Variants in NR3C1 observed in about 807,000 individuals in gnomAD.
NR3C1 encodes glucocorticoid receptor.
NR3C1 carries 14 observed loss-of-function variants against 74.0 expected under a neutral mutation model. The ratio of observed to expected loss-of-function variants is 0.19; its 90% CI spans 0.12 to 0.30. The LOEUF is 0.30. Among genes scored for constraint, NR3C1 ranks in the 10% least tolerant of loss-of-function variants. The probability of loss-of-function intolerance (pLI) is 1.00; values close to 1 mark genes in which losing one functional copy is unlikely to be tolerated. For synonymous variants in NR3C1, 308 were observed against 332.5 expected (o/e 0.93, Z 0.80); for missense variants, 695 against 909.8 (o/e 0.76, Z 3.04).
At chr5:143,404,618 C>A, upstream of NR3C1, 2 of 629,254 alleles carry the variant, frequency 3.2e-6, no homozygotes, top group Non-Finnish European at 4.0e-6. Context: ...AATGTGCTCA[C>A]ACTCGAAGGA....
upstream of NR3C1, chr5:143,403,898 G>A (rs1046401221): frequency 1.0e-6 from 1 of 981,730 alleles, no homozygotes; most frequent in Non-Finnish European, 1.2e-6. Context: ...GTCCCCTGGC[G>A]TGGCCGCCCC....
chr5:143,402,956 C>A, intron 1 of NR3C1: 1 of 744,412 alleles, frequency 1.3e-6, no homozygotes, highest in African/African-American at 1.9e-5. Flanking sequence ...CAGGGCTCCG[C>A]TCGCCGTCCG....
intron 1 of NR3C1, among the ~76,000 whole-genome samples, chr5:143,422,364 G>A (rs186453490): frequency 1.7e-4 from 26 of 152,290 alleles, no homozygotes; most frequent in East Asian, 7.7e-4. Flanking sequence ...CCTAGGCTAC[G>A]GGTTCGTTGT....
At chr5:143,357,882 T>G (rs903152455) in intron 2 of NR3C1, among the ~76,000 whole-genome samples, 1 of 152,236 alleles carries the variant, frequency 6.6e-6, no homozygotes, top group Non-Finnish European at 1.5e-5. Flanking sequence ...CCTCACCTTC[T>G]CTTATATATT....
chr5:143,318,381 T>C (rs538629438), intron 2 of NR3C1, among the ~76,000 whole-genome samples: 6 of 152,298 alleles, frequency 3.9e-5, no homozygotes, highest in South Asian at 4.1e-4. Context: ...CATTGAAATA[T>C]GTCAGTCTAT....
At chr5:143,308,860 T>C (rs1184973113) in intron 4 of NR3C1, among the ~76,000 whole-genome samples, 1 of 152,208 alleles carries the variant, frequency 6.6e-6, no homozygotes, top group Non-Finnish European at 1.5e-5. Flanking sequence ...TGTTGGTGCA[T>C]ATTTGTTGAA....
intron 1 of NR3C1, 124 bp downstream of exon 1, chr5:143,403,086 CA>C: frequency 3.7e-6 from 3 of 821,204 alleles, no homozygotes; most frequent in Non-Finnish European, 4.4e-6. Context: ...GCCAGCCCCC[CA>C]CCCCCACTCC....
At chr5:143,385,374 G>C (rs1837009172) in intron 2 of NR3C1, among the ~76,000 whole-genome samples, 1 of 152,194 alleles carries the variant, frequency 6.6e-6, no homozygotes, top group Non-Finnish European at 1.5e-5. Flanking sequence ...CACTTGAATT[G>C]CTCCCCAGAA....
intron 4 of NR3C1, 66 bp downstream of exon 4, chr5:143,310,031 A>C: frequency 8.1e-7 from 1 of 1,227,044 alleles, no homozygotes; most frequent in Non-Finnish European, 1.2e-6. Flanking sequence ...GTGTATCTTC[A>C]AAAGTAAAAT....
chr5:143,338,344 CT>C (rs562531555), intron 2 of NR3C1, among the ~76,000 whole-genome samples: 111 of 144,394 alleles, frequency 7.7e-4, no homozygotes, highest in Admixed American at 1.0e-3. Flanking sequence ...ACTTCTTGTC[CT>C]TTTTTTTTTT....
intron 2 of NR3C1, among the ~76,000 whole-genome samples, chr5:143,364,378 A>G (rs1194424102): frequency 6.6e-6 from 1 of 152,244 alleles, no homozygotes; most frequent in African/African-American, 2.4e-5. Flanking sequence ...TCTCCAACAC[A>G]TGCTAAAAGG....
At chr5:143,329,429 TC>T (rs1825433422) in intron 2 of NR3C1, among the ~76,000 whole-genome samples, 1 of 152,182 alleles carries the variant, frequency 6.6e-6, no homozygotes, top group Non-Finnish European at 1.5e-5. Flanking sequence ...AGTAGGTATC[TC>T]TAATCCCATT....
At chr5:143,404,559 G>A (rs1216873067), upstream of NR3C1, 14 of 971,534 alleles carry the variant, frequency 1.4e-5, no homozygotes, top group Non-Finnish European at 1.7e-5. Context: ...CGGCGGCGGC[G>A]GCAGAAGGAG....
intron 2 of NR3C1, among the ~76,000 whole-genome samples, chr5:143,355,513 G>A (rs1036871300): frequency 6.6e-6 from 1 of 151,346 alleles, no homozygotes; most frequent in African/African-American, 2.4e-5. Flanking sequence ...ACATCTAATG[G>A]GGGAAAAACT....
intron 4 of NR3C1, among the ~76,000 whole-genome samples, chr5:143,309,143 G>A (rs565507637): frequency 2.1e-5 from 3 of 146,074 alleles, no homozygotes; most frequent in African/African-American, 5.1e-5. Flanking sequence ...GTGTGATCTC[G>A]GCTCACTGCA....
At chr5:143,295,027 G>A (rs2151530717) in intron 7 of NR3C1, 1 of 985,364 alleles carries the variant, frequency 1.0e-6, no homozygotes, top group South Asian at 4.7e-5. Context: ...TAGTAATTAA[G>A]CACACCTTTT....
Position 143,339,729 on chromosome 5 carries a change from G to C in NR3C1, c.1185-25561C>G, listed in dbSNP as rs1040241939. Among the ~76,000 whole-genome samples the C allele has an allele frequency of 5.9e-5, 9 of 152,232 alleles. No homozygotes were observed. In the East Asian group the frequency reaches 1.7e-3, roughly 29 times the overall value. ...CTTCCTTCTAGGCTGAGGGTTGGTG[G>C]GGCTCCGGACTAAAGGATTCCAGAC... is the stretch of plus-strand genomic sequence containing the variant. On this transcript the variant is annotated intron_variant, in intron 2 of 8. Transcript: ENST00000394464.
Position 143,395,969 on chromosome 5 carries a change from A to G in NR3C1, c.1184+3687T>C, listed in dbSNP as rs61751243. Among the ~76,000 whole-genome samples the G allele has an allele frequency of 4.4e-3, 666 of 152,048 alleles. 2 individuals carry two copies. The highest frequency in any genetic ancestry group is 0.015 in the African/African-American group (633 of 41,564). ...CATTTAACCTACATTTATGCAAGGT[A>G]TATTTCAGAATAAGTCTTTCATAAA... On this transcript the variant is annotated intron_variant, in intron 2 of 8. Coordinates refer to ENST00000394464, the MANE Select transcript of NR3C1 (RefSeq NM_000176.3).
chr5:143,295,001 G>A (rs1427995929), intron 7 of NR3C1: 1 of 985,262 alleles, frequency 1.0e-6, no homozygotes, highest in African/African-American at 1.7e-5. Flanking sequence ...CCCATGCTAT[G>A]TTAACCAATC....
Sources: gnomAD v4.1 joint callset for allele counts (sites outside exome capture counted in the v4.1 genomes callset) on GRCh38, gnomAD v4.1.1 for gene constraint, MANE v1.5 for transcripts, NCBI Gene and HGNC (gene_info 2026-07-23, HGNC 2026-07-21) for gene names.